MCM9: variants seen among roughly 807,000 people sequenced by gnomAD.
The protein encoded by MCM9 is DNA helicase MCM9.
MCM9 carries 55 observed loss-of-function variants against 72.8 expected under a neutral mutation model. That is an observed-to-expected ratio of 0.76 (90% CI 0.61 to 0.95). The LOEUF (loss-of-function observed/expected upper bound fraction) is 0.95. Ranked by LOEUF, MCM9 falls within the 40% of genes least tolerant of loss-of-function variation. The pLI is 0.00. For synonymous variants in MCM9, 480 were observed against 503.4 expected, an observed-to-expected ratio of 0.95 and a Z score of 0.62; for missense variants, 1,279 against 1,377.0, an observed-to-expected ratio of 0.93 and a Z score of 1.13.
At chr6:118,835,399 A>G (rs766711028) in intron 9 of MCM9, among the ~76,000 whole-genome samples, 3 of 152,192 alleles carry the variant, frequency 2.0e-5, no homozygotes, top group Non-Finnish European at 4.4e-5. Context: ...AGTCAATGGT[A>G]GCTTGATGGG....
intron 5 of MCM9, chr6:118,918,020 C>G (rs1781103699): frequency 2.1e-6 from 1 of 486,528 alleles, no homozygotes; most frequent in African/African-American, 1.9e-5. Flanking sequence ...GATAATCCTA[C>G]AAAATTATTA....
At chr6:118,818,192 A>G (rs1302091951) in intron 13 of MCM9, among the ~76,000 whole-genome samples, 1 of 152,140 alleles carries the variant, frequency 6.6e-6, no homozygotes, top group Non-Finnish European at 1.5e-5. Context: ...TTTAGTCATG[A>G]AGTCTTTGCC....
At chr6:118,840,588 G>C (rs1425101917) in intron 9 of MCM9, among the ~76,000 whole-genome samples, 1 of 151,958 alleles carries the variant, frequency 6.6e-6, no homozygotes, top group African/African-American at 2.4e-5. Context: ...TTTCTATATT[G>C]ACAGGCCTTG....
chr6:118,833,858 T>C (rs1453435767), intron 9 of MCM9, among the ~76,000 whole-genome samples: 2 of 152,186 alleles, frequency 1.3e-5, no homozygotes, highest in Non-Finnish European at 2.9e-5. Flanking sequence ...TGATTGCTTG[T>C]ACAACGTGAC....
intron 4 of MCM9, 27 bp downstream of exon 4, chr6:118,923,784 A>G (rs1399576409): frequency 6.3e-7 from 1 of 1,595,626 alleles, no homozygotes; most frequent in South Asian, 1.1e-5. Flanking sequence ...CTTCAAATTT[A>G]TTTATCTCGT....
chr6:118,894,771 T>G (rs1347340078), intron 8 of MCM9, among the ~76,000 whole-genome samples: 3 of 152,178 alleles, frequency 2.0e-5, no homozygotes, highest in African/African-American at 4.8e-5. Flanking sequence ...GTAGCCATGT[T>G]GTCAGCTTTG....
chr6:118,896,836 ATT>A (rs11304871), intron 8 of MCM9, among the ~76,000 whole-genome samples: 276 of 149,578 alleles, frequency 1.8e-3, no homozygotes, highest in Middle Eastern at 0.01. Flanking sequence ...AAACTATAGA[ATT>A]TTTTTTTTTT....
intron 6 of MCM9, among the ~76,000 whole-genome samples, chr6:118,914,021 T>A (rs989793805): frequency 6.6e-6 from 1 of 152,184 alleles, no homozygotes; most frequent in South Asian, 2.1e-4. Context: ...AATCTTTAAA[T>A]ACAGAGGTAG....
intron 8 of MCM9, among the ~76,000 whole-genome samples, chr6:118,886,570 T>C (rs189636140): frequency 0.01 from 1,580 of 152,028 alleles, 30 homozygotes; most frequent in African/African-American, 0.036. Flanking sequence ...AAGAAGAATC[T>C]GAATTTAGAA....
intron 4 of MCM9, among the ~76,000 whole-genome samples, chr6:118,923,196 C>T: frequency 6.6e-6 from 1 of 152,032 alleles, no homozygotes; most frequent in South Asian, 2.1e-4. Flanking sequence ...CAGGCTCACT[C>T]TTACTTGTTA....
chr6:118,905,552 C>G, intron 8 of MCM9: 1 of 850,038 alleles, frequency 1.2e-6, no homozygotes, highest in Non-Finnish European at 1.7e-6. Flanking sequence ...TTTCTTGTTG[C>G]ATCCTCAACT....
At chr6:118,840,740 C>CG (rs1775305017) in intron 9 of MCM9, among the ~76,000 whole-genome samples, 1 of 108,038 alleles carries the variant, frequency 9.3e-6, no homozygotes. Flanking sequence ...CCTCCCCCCC[C>CG]CCTTTTTTTT....
intron 9 of MCM9, among the ~76,000 whole-genome samples, chr6:118,835,537 T>A (rs1774897725): frequency 6.6e-6 from 1 of 152,212 alleles, no homozygotes; most frequent in South Asian, 2.1e-4. Context: ...GAGCAGTGGT[T>A]TGTAGTTCTC....
intron 9 of MCM9, among the ~76,000 whole-genome samples, chr6:118,831,260 GAGA>G (rs1215314815): frequency 6.6e-6 from 1 of 150,590 alleles, no homozygotes; most frequent in African/African-American, 2.5e-5. Flanking sequence ...GCTGAGTTGG[GAGA>G]ATCACTTGAG....
intron 8 of MCM9, among the ~76,000 whole-genome samples, chr6:118,877,156 C>T (rs574009277): frequency 6.6e-6 from 1 of 152,212 alleles, no homozygotes; most frequent in African/African-American, 2.4e-5. Flanking sequence ...AGCACCCAAC[C>T]TACAGTCAGC....
rs1289619212 is a variant in MCM9, at chr6:118,898,386, A to ATATAT, written c.1150+13259_1150+13263dup. On this transcript the variant is annotated intron_variant, in intron 8 of 13. Coordinates refer to ENST00000619706, the MANE Select transcript of MCM9 (RefSeq NM_017696.3). ...GGGCATTATATGTAGTGATACAATT[A>ATATAT]TATATGAAATTAAAATTCATGAAAA... 3.3e-5 allele frequency among the ~76,000 whole-genome samples: 5 copies of ATATAT among 152,060 alleles called. No homozygotes were observed. The East Asian group carries it at 9.7e-4, about 29-fold the overall frequency.
chr6:118,908,678 T>C (rs1440830069), intron 8 of MCM9: 1 of 152,364 alleles, frequency 6.6e-6, no homozygotes, highest in Admixed American at 6.5e-5. Context: ...AAAAGCAATC[T>C]TGGAAAGGAA....
intron 8 of MCM9, chr6:118,901,103 T>C: frequency 2.3e-6 from 1 of 434,190 alleles, no homozygotes; most frequent in Non-Finnish European, 4.1e-6. Context: ...GACGTTTACT[T>C]TAGAGAGATG....
intron 3 of MCM9, among the ~76,000 whole-genome samples, chr6:118,931,087 A>T (rs1166628406): frequency 6.6e-6 from 1 of 152,198 alleles, no homozygotes; most frequent in African/African-American, 2.4e-5. Flanking sequence ...CACTTTTCTA[A>T]TTCTTTGTAT....
Sources: gnomAD v4.1 joint callset for allele counts (sites outside exome capture counted in the v4.1 genomes callset) on GRCh38, gnomAD v4.1.1 for gene constraint, MANE v1.5 for transcripts, NCBI Gene and HGNC (gene_info 2026-07-23, HGNC 2026-07-21) for gene names.